The following UFD1 variants were observed in gnomAD, a reference collection of about 807,000 sequenced individuals.
UFD1 encodes ubiquitin recognition factor in ER associated degradation 1, also known as ubiquitin recognition factor in ER-associated degradation protein 1.
Under a neutral mutation model 45.9 loss-of-function variants are expected in UFD1, and 13 were observed. The ratio of observed to expected loss-of-function variants is 0.28; its 90% CI spans 0.18 to 0.45. UFD1 has a LOEUF of 0.45. Ranked by LOEUF, UFD1 falls within the 20% of genes least tolerant of loss-of-function variation. The pLI, the probability that UFD1 is intolerant of heterozygous loss-of-function variation, is 1.00. For synonymous variants in UFD1, 128 were observed against 139.2 expected (o/e 0.92, Z 0.56); for missense variants, 218 against 389.2 (o/e 0.56, Z 3.70).
intron 10 of UFD1, 143 bp downstream of exon 10, chr22:19,455,537 C>A: frequency 1.4e-6 from 1 of 731,554 alleles, no homozygotes; most frequent in Non-Finnish European, 2.3e-6. Flanking sequence ...CTCCACCCCA[C>A]CAAGGAGAGC....
intron 11 of UFD1, 57 bp from the exon 12 acceptor site, chr22:19,450,801 GC>G (rs766951794): frequency 1.3e-5 from 21 of 1,612,960 alleles, no homozygotes; most frequent in Non-Finnish European, 1.8e-5. Context: ...TACAATAAAT[GC>G]CTTACTCTAT....
At chr22:19,453,875 G>A (rs1437870954) in intron 11 of UFD1, 1 of 985,330 alleles carries the variant, frequency 1.0e-6, no homozygotes, top group East Asian at 1.1e-4. Context: ...GATCCTCAAG[G>A]GTCCAATCCT....
chr22:19,465,271 T>C lies in UFD1; in HGVS notation c.426A>G (p.Leu142=). The stretch of plus-strand genomic sequence containing the variant: ...AGGCAAAGTTCCTAAGTGCGTTTTC[T>C]AATCTGCAGACACATTCTGTCAAGG... The part of the protein sequence containing the change: ...FLDITNPKAV[L]ENALRNFACL... Residue 142 remains leucine (L), a synonymous_variant, in exon 6 of 12, where the codon TTA becomes TTG. Transcript: ENST00000263202. 6.2e-7 allele frequency: 1 copy of C among 1,614,176 alleles called. No individual in the cohort carries two copies. The highest frequency in any genetic ancestry group is 1.3e-5 in the African/African-American group (1 of 75,060).
intron 5 of UFD1, chr22:19,467,215 T>G (rs1441214382): frequency 1.3e-5 from 2 of 151,096 alleles, no homozygotes; most frequent in Non-Finnish European, 1.5e-5. Flanking sequence ...AGAAGTAGAA[T>G]GGAGTGGCCA....
At chr22:19,464,935 C>T (rs2089791068) in intron 6 of UFD1, among the ~76,000 whole-genome samples, 1 of 152,228 alleles carries the variant, frequency 6.6e-6, no homozygotes, top group African/African-American at 2.4e-5. Flanking sequence ...CAAGACAGAA[C>T]CAGCAGCCTT....
At chr22:19,453,730 T>C in intron 11 of UFD1, 6 of 985,482 alleles carry the variant, frequency 6.1e-6, no homozygotes, top group Non-Finnish European at 7.2e-6. Flanking sequence ...GGACCAGGTG[T>C]GCAAACTTCA....
intron 4 of UFD1, among the ~76,000 whole-genome samples, chr22:19,468,591 G>A (rs1035026630): frequency 6.6e-6 from 1 of 152,170 alleles, no homozygotes; most frequent in African/African-American, 2.4e-5. Flanking sequence ...CATGAGTACT[G>A]GGTGTGCAGG....
chr22:19,470,291 T>C (rs1032413146), intron 4 of UFD1, among the ~76,000 whole-genome samples: 2 of 151,888 alleles, frequency 1.3e-5, no homozygotes, highest in African/African-American at 4.8e-5. Flanking sequence ...GCAATGGGAG[T>C]GCAGGGCTCT....
intron 1 of UFD1, among the ~76,000 whole-genome samples, chr22:19,477,006 C>CAAAA (rs35775775): frequency 5.1e-5 from 5 of 98,194 alleles, no homozygotes; most frequent in South Asian, 3.7e-4. Context: ...GACTCCATCT[C>CAAAA]AAAAAAAAAA....
intron 7 of UFD1, among the ~76,000 whole-genome samples, chr22:19,457,286 A>G (rs1369395196): frequency 1.3e-5 from 2 of 152,176 alleles, no homozygotes; most frequent in Admixed American, 6.5e-5. Context: ...TCTTTTTATA[A>G]CCATACCCAG....
At chr22:19,459,530 G>A (rs1313068685) in intron 6 of UFD1, among the ~76,000 whole-genome samples, 1 of 152,060 alleles carries the variant, frequency 6.6e-6, no homozygotes, top group African/African-American at 2.4e-5. Flanking sequence ...CAGGAGAATG[G>A]TGTGAACCCA....
intron 4 of UFD1, 86 bp from the exon 5 acceptor site, chr22:19,468,089 C>A (rs1354029688): frequency 1.3e-6 from 2 of 1,536,844 alleles, no homozygotes; most frequent in African/African-American, 1.4e-5. Flanking sequence ...GCAGGCCCGT[C>A]TTACTTGGGT....
intron 11 of UFD1, chr22:19,454,007 ATG>A: frequency 1.0e-6 from 1 of 985,682 alleles, no homozygotes; most frequent in Non-Finnish European, 1.2e-6. Flanking sequence ...CAAAGTGCCC[ATG>A]TCTACAGGAT....
intron 3 of UFD1, among the ~76,000 whole-genome samples, chr22:19,473,290 C>T (rs1282943780): frequency 2.6e-5 from 4 of 152,218 alleles, no homozygotes; most frequent in Admixed American, 1.3e-4. Context: ...GCTCCCAGTG[C>T]CCTGGGGCTC....
chr22:19,473,637 A>G (rs2089861383), intron 3 of UFD1, among the ~76,000 whole-genome samples: 1 of 152,224 alleles, frequency 6.6e-6, no homozygotes, highest in African/African-American at 2.4e-5. Flanking sequence ...TGAGGCCTCC[A>G]CTGGGTATAG....
At chr22:19,456,749 G>A in intron 8 of UFD1, 104 bp downstream of exon 8, 1 of 1,613,378 alleles carries the variant, frequency 6.2e-7, no homozygotes, top group Non-Finnish European at 8.5e-7. Context: ...GGACGCAGAG[G>A]ATATGACTAC....
At chr22:19,450,784 G>C (rs1012161566) in intron 11 of UFD1, 40 bp from the exon 12 acceptor site, 2 of 1,613,676 alleles carry the variant, frequency 1.2e-6, no homozygotes, top group East Asian at 4.5e-5. Context: ...GAAACTCCCT[G>C]GAGGTTTACA....
intron 6 of UFD1, among the ~76,000 whole-genome samples, chr22:19,462,485 G>A (rs1012328685): frequency 4.6e-5 from 7 of 152,030 alleles, no homozygotes; most frequent in Non-Finnish European, 8.8e-5. Context: ...GGCCAACATG[G>A]TGAAACCTCG....
intron 5 of UFD1, chr22:19,465,519 C>A (rs2089795855): frequency 6.4e-6 from 3 of 471,208 alleles, no homozygotes; most frequent in Non-Finnish European, 1.2e-5. Flanking sequence ...AAATAACCAA[C>A]CACAAAAGGG....
Sources: gnomAD v4.1 joint callset for allele counts (sites outside exome capture counted in the v4.1 genomes callset) on GRCh38, gnomAD v4.1.1 for gene constraint, MANE v1.5 for transcripts, NCBI Gene and HGNC (gene_info 2026-07-23, HGNC 2026-07-21) for gene names.